CFAP45: variants seen among roughly 807,000 people sequenced by gnomAD.
CFAP45 encodes the protein cilia and flagella associated protein 45.
Under a neutral mutation model 75.6 loss-of-function variants are expected in CFAP45, and 43 were observed. That is an observed-to-expected ratio of 0.57 (90% CI 0.45 to 0.73). The LOEUF is 0.73. Ranked by LOEUF, CFAP45 falls within the 30% of genes least tolerant of loss-of-function variation. The pLI, the probability that CFAP45 is intolerant of heterozygous loss-of-function variation, is 0.00. For missense variants in CFAP45, 689 were observed against 701.5 expected, an observed-to-expected ratio of 0.98 and a Z score of 0.20; for synonymous variants, 223 against 244.6, an observed-to-expected ratio of 0.91 and a Z score of 0.82.
intron 8 of CFAP45, among the ~76,000 whole-genome samples, chr1:159,877,875 A>AAAATAAATAAAT (rs56408622): frequency 0.25 from 36,980 of 148,802 alleles, 4,685 homozygotes; most frequent in Middle Eastern, 0.28. Flanking sequence ...ACCTTGTCTC[A>AAAATAAATAAAT]AAATAAATAA....
At chr1:159,890,131 T>A (rs1326638626) in intron 3 of CFAP45, among the ~76,000 whole-genome samples, 1 of 152,158 alleles carries the variant, frequency 6.6e-6, no homozygotes, top group Non-Finnish European at 1.5e-5. Context: ...AAGTGACTCA[T>A]CTGGATCACT....
chr1:159,876,799 C>T, intron 9 of CFAP45, 50 bp from the exon 10 acceptor site: 2 of 1,599,322 alleles, frequency 1.3e-6, no homozygotes. Flanking sequence ...GCTGGAAGTA[C>T]AGACCAAGTG....
intron 1 of CFAP45, among the ~76,000 whole-genome samples, chr1:159,894,980 G>C (rs1470384887): frequency 1.3e-5 from 2 of 152,216 alleles, no homozygotes; most frequent in African/African-American, 4.8e-5. Flanking sequence ...CCAGTTCTAG[G>C]TTTTGATTTT....
chr1:159,895,052 T>G (rs147918313), intron 1 of CFAP45, among the ~76,000 whole-genome samples: 345 of 152,332 alleles, frequency 2.3e-3, no homozygotes, highest in African/African-American at 8.0e-3. Context: ...CAAAACCCTC[T>G]TAACACATTC....
intron 8 of CFAP45, among the ~76,000 whole-genome samples, chr1:159,879,100 T>C (rs1266582518): frequency 6.6e-6 from 1 of 152,156 alleles, no homozygotes; most frequent in Non-Finnish European, 1.5e-5. Flanking sequence ...CTTGACAATG[T>C]CCTTTCCATG....
At chr1:159,875,237 G>T (rs1245976712) in intron 10 of CFAP45, among the ~76,000 whole-genome samples, 1 of 152,248 alleles carries the variant, frequency 6.6e-6, no homozygotes. Context: ...ATTAGTGCCT[G>T]TTAACAGCAA....
At chr1:159,878,529 C>G (rs927343148) in intron 8 of CFAP45, among the ~76,000 whole-genome samples, 1 of 151,582 alleles carries the variant, frequency 6.6e-6, no homozygotes, top group African/African-American at 2.4e-5. Flanking sequence ...CTGAGGCAGG[C>G]AGATCATGAC....
At chr1:159,889,695 C>T (rs1481403348) in intron 3 of CFAP45, among the ~76,000 whole-genome samples, 4 of 152,204 alleles carry the variant, frequency 2.6e-5, no homozygotes, top group African/African-American at 9.7e-5. Context: ...CATCTGGCCA[C>T]TTGATGCCAC....
chr1:159,893,238 C>A lies in CFAP45; in HGVS notation c.71G>T (p.Arg24Leu), dbSNP rs41264831. ...AGAGCTCACGGCTTTGGTCCGATAG[C>A]GAGCCTTATTCCTTGACCTGTTGGA... ...AASNRSRNKA[R>L]YRTKAVSSEV... The change falls in exon 2 of 12, where the codon CGC becomes CTC. Residue 24 changes from arginine to leucine, a missense_variant. Physicochemically the swap from Arg to Leu is moderately radical, Grantham distance 102 (BLOSUM62 -2). Coordinates refer to ENST00000368099, the MANE Select transcript of CFAP45 (RefSeq NM_012337.3). 3 of 1,613,972 alleles carry A rather than the reference C, an allele frequency of 1.9e-6. No homozygotes were observed. Among genetic ancestry groups the A allele is most frequent in the South Asian group, 2.2e-5 (2 of 91,078 alleles).
At position 159,873,176 on chromosome 1, in the gene CFAP45, A is replaced by T. The variant is rs1056811862; in HGVS notation, c.1353-8T>A. Reference sequence around the variant, plus strand: ...ATCTGTTCTCTCTGAGCCCTGGGGGAGGGAAACAGGAATGGAATGAACTCA... The same window carrying T: ...ATCTGTTCTCTCTGAGCCCTGGGGGTGGGAAACAGGAATGGAATGAACTCA... On this transcript the variant is annotated splice_region_variant and splice_polypyrimidine_tract_variant and intron_variant, in intron 10 of 11. Transcript: ENST00000368099. The T allele has an allele frequency of 1.9e-6, 3 of 1,610,764 alleles. No individual in the cohort carries two copies. Among genetic ancestry groups the T allele is most frequent in the Non-Finnish European group, 2.5e-6 (3 of 1,178,366 alleles).
chr1:159,899,758 C>T (rs56401752), intron 1 of CFAP45, among the ~76,000 whole-genome samples: 20,069 of 152,072 alleles, frequency 0.13, 1,887 homozygotes, highest in African/African-American at 0.26. Flanking sequence ...TAAGCCACCG[C>T]GCCCGGCCCA....
intron 7 of CFAP45, among the ~76,000 whole-genome samples, chr1:159,883,758 T>G (rs1277333496): frequency 6.6e-6 from 1 of 151,900 alleles, no homozygotes; most frequent in Non-Finnish European, 1.5e-5. Flanking sequence ...AACTTTTCTG[T>G]GTGTGCAAAA....
chr1:159,894,613 C>A (rs915579349), intron 1 of CFAP45, among the ~76,000 whole-genome samples: 6 of 152,298 alleles, frequency 3.9e-5, no homozygotes, highest in African/African-American at 1.4e-4. Context: ...TCCCAAGACC[C>A]TTTTAGTGTG....
rs1649954642 is a variant in CFAP45 at position 159,896,551 on chromosome 1, A to T, written c.4-3246T>A. On this transcript the variant is annotated intron_variant, in intron 1 of 11. Coordinates refer to ENST00000368099, the MANE Select transcript of CFAP45 (RefSeq NM_012337.3). ...GCTGGATCCCTCTGGGCCAGAGGCA[A>T]TAGCGAAGAAGTTCTTTAAGGAGGT... is the stretch of plus-strand genomic sequence containing the variant. 2.0e-5 allele frequency among the ~76,000 whole-genome samples: 3 copies of T among 152,362 alleles called. No individual in the cohort carries two copies. In the South Asian group the frequency reaches 6.2e-4, roughly 32 times the overall value.
intron 11 of CFAP45, 84 bp downstream of exon 11, chr1:159,872,860 C>G (rs532756503): frequency 1.3e-5 from 18 of 1,380,520 alleles, no homozygotes; most frequent in East Asian, 2.3e-5. Flanking sequence ...CCCTTCACCC[C>G]CAAATCCCCA....
intron 7 of CFAP45, among the ~76,000 whole-genome samples, chr1:159,882,935 G>A (rs560220862): frequency 6.6e-6 from 1 of 152,318 alleles, no homozygotes; most frequent in African/African-American, 2.4e-5. Flanking sequence ...TTCTCATGCA[G>A]TTCACAGAGC....
intron 8 of CFAP45, 48 bp downstream of exon 8, chr1:159,880,506 G>A: frequency 6.4e-7 from 1 of 1,572,632 alleles, no homozygotes; most frequent in African/African-American, 1.4e-5. Flanking sequence ...CTCTCCCTGT[G>A]ACAGACATTC....
At chr1:159,878,863 C>G (rs1005224844) in intron 8 of CFAP45, among the ~76,000 whole-genome samples, 1 of 147,606 alleles carries the variant, frequency 6.8e-6, no homozygotes, top group African/African-American at 2.5e-5. Context: ...GGGCTGTTGT[C>G]AAGCTGCTTC....
chr1:159,872,797 G>A, intron 11 of CFAP45, 147 bp downstream of exon 11: 1 of 852,830 alleles, frequency 1.2e-6, no homozygotes, highest in African/African-American at 1.7e-5. Flanking sequence ...CCCCTTCAGA[G>A]GGATGAGCCC....
Sources: gnomAD v4.1 joint callset for allele counts (sites outside exome capture counted in the v4.1 genomes callset) on GRCh38, gnomAD v4.1.1 for gene constraint, MANE v1.5 for transcripts, NCBI Gene and HGNC (gene_info 2026-07-23, HGNC 2026-07-21) for gene names.